MECR: variants seen among roughly 807,000 people sequenced by gnomAD.
MECR encodes mitochondrial trans-2-enoyl-CoA reductase, also known as enoyl-[acyl-carrier-protein] reductase, mitochondrial.
Under a neutral mutation model 49.1 loss-of-function variants are expected in MECR, and 37 were observed. That is an observed-to-expected ratio of 0.75 (90% CI 0.58 to 0.99). MECR has a LOEUF of 0.99. Ranked by LOEUF, MECR falls within the 50% of genes least tolerant of loss-of-function variation. The pLI, the probability that MECR is intolerant of heterozygous loss-of-function variation, is 0.00. For synonymous variants in MECR, 198 were observed against 191.1 expected (o/e 1.04, Z -0.30); for missense variants, 470 against 479.6 (o/e 0.98, Z 0.19).
At chr1:29,181,681 G>C in the MECR span, 3 of 1,597,490 alleles carry the variant, frequency 1.9e-6, no homozygotes, top group Admixed American at 1.7e-5. Flanking sequence ...TCTTCCCGTA[G>C]CCCTTAAAGA....
At chr1:29,216,526 GA>G in intron 2 of MECR, 61 bp downstream of exon 2, 1 of 1,512,452 alleles carries the variant, frequency 6.6e-7, no homozygotes. Flanking sequence ...GAGGAGGAAT[GA>G]AAATGAGGTG....
intron 4 of MECR, among the ~76,000 whole-genome samples, chr1:29,204,631 A>C (rs1676136378): frequency 6.6e-6 from 1 of 152,240 alleles, no homozygotes; most frequent in Non-Finnish European, 1.5e-5. Flanking sequence ...AGTTTATTCA[A>C]CAGTGATCTA....
chr1:29,192,425 C>T (rs564160152), downstream of MECR, among the ~76,000 whole-genome samples: 20 of 152,306 alleles, frequency 1.3e-4, no homozygotes, highest in Admixed American at 1.1e-3. Context: ...TCGGGCAGAA[C>T]TGGGGCCCCT....
the MECR span, chr1:29,173,458 TTTTTTTTC>T: frequency 8.7e-6 from 1 of 115,112 alleles, no homozygotes; most frequent in Non-Finnish European, 1.7e-5. Context: ...AAGTTGTTTT[TTTTTTTTC>T]TTTTTTTTTT....
At chr1:29,186,689 G>A in the MECR span, among the ~76,000 whole-genome samples, 1 of 152,158 alleles carries the variant, frequency 6.6e-6, no homozygotes, top group Non-Finnish European at 1.5e-5. Flanking sequence ...AAATTTGAAT[G>A]CTCTTCCAGT....
At chr1:29,172,915 C>T in the MECR span, 2 of 151,948 alleles carry the variant, frequency 1.3e-5, no homozygotes, top group Admixed American at 1.3e-4. Flanking sequence ...CATAATATTG[C>T]CATACAATGG....
the MECR span, among the ~76,000 whole-genome samples, chr1:29,174,869 T>TCA: frequency 3.3e-4 from 50 of 151,650 alleles, no homozygotes; most frequent in African/African-American, 1.2e-3. Context: ...AGACAGGGTT[T>TCA]CACCATGTTG....
At chr1:29,185,711 G>A in the MECR span, among the ~76,000 whole-genome samples, 3 of 152,134 alleles carry the variant, frequency 2.0e-5, no homozygotes, top group East Asian at 1.9e-4. Context: ...CACCTTGCCC[G>A]GCCATAATCT....
At chr1:29,212,792 C>A (rs1370709792) in intron 3 of MECR, among the ~76,000 whole-genome samples, 1 of 152,216 alleles carries the variant, frequency 6.6e-6, no homozygotes, top group Non-Finnish European at 1.5e-5. Context: ...TGGTACCCCT[C>A]GCACCGTGGA....
rs780985485 is a variant in MECR at position 29,201,394 on chromosome 1, G to A, written c.756+549C>T. The A allele has an allele frequency of 9.2e-5, 49 of 533,074 alleles. No homozygotes were observed. Among genetic ancestry groups the A allele is most frequent in the Middle Eastern group, 3.2e-4 (1 of 3,150 alleles). 33.0% of individuals were successfully genotyped at this position (533,074 alleles called of 1,614,324 possible). ...CTTACTAGGCATGTTGTGGGGTGGA[G>A]GTTCTGGAAGGTTAAGAGGCTTTGA... On this transcript the variant is annotated intron_variant, in intron 6 of 9. Transcript: ENST00000263702. The surrounding 1 kb of genome is among the most constrained non-coding windows in gnomAD (Gnocchi z 4.3).
chr1:29,228,627 G>A (rs1682704331), intron 1 of MECR, among the ~76,000 whole-genome samples: 1 of 152,028 alleles, frequency 6.6e-6, no homozygotes, highest in African/African-American at 2.4e-5. Context: ...GAAGTATCAT[G>A]TTTTGAACTA....
the MECR span, chr1:29,181,716 C>T: frequency 1.3e-6 from 2 of 1,594,490 alleles, no homozygotes; most frequent in African/African-American, 1.4e-5. Context: ...CGCTCCCGGG[C>T]CTGGTAGCTC....
At chr1:29,227,918 T>C (rs1231898967) in intron 1 of MECR, among the ~76,000 whole-genome samples, 12 of 152,220 alleles carry the variant, frequency 7.9e-5, no homozygotes, top group Admixed American at 7.9e-4. Context: ...AGAGAATTAC[T>C]GCTTGTCTGA....
rs545676526 is a variant in MECR, at chr1:29,193,779, GCA to G, written c.*241_*242del. The G allele has an allele frequency of 6.5e-4, 328 of 507,438 alleles. 3 individuals carry two copies. Among genetic ancestry groups the G allele is most frequent in the African/African-American group, 4.5e-3 (232 of 51,654 alleles). 31.4% of individuals were successfully genotyped at this position (507,438 alleles called of 1,614,324 possible). ...CTCTTGGTGCTGTGAGCTGACCAGT[GCA>G]CAGTGTTGGTCCTTCTCGACAGGGA... On this transcript the variant is annotated 3_prime_UTR_variant, in exon 10 of 10. Transcript: ENST00000263702.
intron 7 of MECR, among the ~76,000 whole-genome samples, chr1:29,198,015 TG>T (rs1341698577): frequency 1.3e-5 from 2 of 151,880 alleles, no homozygotes; most frequent in Non-Finnish European, 1.5e-5. Context: ...TGGACTGGAG[TG>T]GGGGAGATGG....
At chr1:29,177,674 G>A in the MECR span, among the ~76,000 whole-genome samples, 3 of 152,184 alleles carry the variant, frequency 2.0e-5, no homozygotes, top group Non-Finnish European at 4.4e-5. Context: ...GGAGATCTTC[G>A]TTGTATTTGT....
chr1:29,212,792 C>T (rs1370709792), intron 3 of MECR, among the ~76,000 whole-genome samples: 3 of 152,216 alleles, frequency 2.0e-5, no homozygotes, highest in Admixed American at 6.5e-5. Flanking sequence ...TGGTACCCCT[C>T]GCACCGTGGA....
chr1:29,185,975 G>A, the MECR span, among the ~76,000 whole-genome samples: 1 of 152,062 alleles, frequency 6.6e-6, no homozygotes, highest in African/African-American at 2.4e-5. Context: ...GTCAGAGTGA[G>A]ACCCCATCAC....
chr1:29,204,917 G>A (rs78270202), intron 4 of MECR, among the ~76,000 whole-genome samples: 2 of 152,274 alleles, frequency 1.3e-5, no homozygotes, highest in Admixed American at 6.5e-5. Flanking sequence ...AACTGGCATC[G>A]GCTTTCAGCC....
Sources: gnomAD v4.1 joint callset for allele counts (sites outside exome capture counted in the v4.1 genomes callset) on GRCh38, gnomAD v4.1.1 for gene constraint, Gnocchi (gnomAD v3.1) non-coding constraint, MANE v1.5 for transcripts, NCBI Gene and HGNC (gene_info 2026-07-23, HGNC 2026-07-21) for gene names.